Variants in CNBD1 observed in about 807,000 individuals in gnomAD.
CNBD1 encodes cyclic nucleotide-binding domain-containing protein 1.
A neutral mutation model predicts 54.4 loss-of-function variants in CNBD1; 71 were observed. The ratio of observed to expected loss-of-function variants is 1.30; its 90% CI spans 1.08 to 1.59. CNBD1 has a LOEUF of 1.59. Ranked by LOEUF, CNBD1 falls within the 40% of genes most tolerant of loss-of-function variation. CNBD1 has a pLI of 0.00. For missense variants in CNBD1, 659 were observed against 518.0 expected (o/e 1.27, Z -2.64); for synonymous variants, 182 against 170.7 (o/e 1.07, Z -0.51).
chr8:87,175,782 G>A (rs1396594410), intron 4 of CNBD1, among the ~76,000 whole-genome samples: 7 of 152,148 alleles, frequency 4.6e-5, no homozygotes, highest in Admixed American at 4.6e-4. Context: ...TCCAAGCCAA[G>A]GTCAGTAATT....
At chr8:87,252,758 C>T (rs1169401320) in intron 6 of CNBD1, among the ~76,000 whole-genome samples, 3 of 152,030 alleles carry the variant, frequency 2.0e-5, no homozygotes, top group Non-Finnish European at 2.9e-5. Context: ...TGAAAACATA[C>T]ACAGTAAGTG....
intron 4 of CNBD1, among the ~76,000 whole-genome samples, chr8:86,971,661 A>T (rs992851133): frequency 6.6e-6 from 1 of 152,084 alleles, no homozygotes; most frequent in African/African-American, 2.4e-5. Flanking sequence ...TAGAGTTTCT[A>T]TACTTTTTTT....
At chr8:87,143,375 T>C (rs1812411835) in intron 4 of CNBD1, among the ~76,000 whole-genome samples, 1 of 152,152 alleles carries the variant, frequency 6.6e-6, no homozygotes, top group Admixed American at 6.6e-5. Context: ...TAAGGGCACC[T>C]ACATCAACAC....
intron 4 of CNBD1, among the ~76,000 whole-genome samples, chr8:87,190,609 G>C (rs1309889075): frequency 6.6e-6 from 1 of 152,046 alleles, no homozygotes; most frequent in Admixed American, 6.5e-5. Flanking sequence ...TTAACTCAGA[G>C]GTAGACTTAC....
intron 4 of CNBD1, among the ~76,000 whole-genome samples, chr8:87,140,116 A>G (rs1812342470): frequency 6.6e-6 from 1 of 152,158 alleles, no homozygotes; most frequent in African/African-American, 2.4e-5. Context: ...AGAATAGTCC[A>G]TTAATGCTGA....
At chr8:87,364,461 C>G (rs1345798239) in intron 10 of CNBD1, among the ~76,000 whole-genome samples, 2 of 150,330 alleles carry the variant, frequency 1.3e-5, no homozygotes, top group Non-Finnish European at 3.0e-5. Flanking sequence ...CTTTTAAATC[C>G]AATTTGTCTT....
chr8:87,001,173 T>C (rs1028111258), intron 4 of CNBD1, among the ~76,000 whole-genome samples: 3 of 152,100 alleles, frequency 2.0e-5, no homozygotes, highest in Non-Finnish European at 1.5e-5. Flanking sequence ...ATGTCTGTTC[T>C]GTTATTGCTT....
At chr8:86,968,964 G>A (rs1218519550) in intron 4 of CNBD1, among the ~76,000 whole-genome samples, 1 of 152,154 alleles carries the variant, frequency 6.6e-6, no homozygotes, top group Non-Finnish European at 1.5e-5. Flanking sequence ...TAGAGATCTT[G>A]GAGCCCACAA....
chr8:87,245,057 A>T (rs536705196), intron 6 of CNBD1, among the ~76,000 whole-genome samples: 2 of 152,206 alleles, frequency 1.3e-5, no homozygotes, highest in African/African-American at 4.8e-5. Flanking sequence ...ATGGAATTGG[A>T]ACTTAACATC....
intron 8 of CNBD1, among the ~76,000 whole-genome samples, chr8:87,323,681 A>C (rs1168198144): frequency 7.3e-6 from 1 of 136,088 alleles, no homozygotes; most frequent in Non-Finnish European, 1.6e-5. Context: ...GAAGTTGCTT[A>C]TCAGCTTAAG....
chr8:87,387,175 G>C (rs768768093), downstream of CNBD1, among the ~76,000 whole-genome samples: 10 of 152,102 alleles, frequency 6.6e-5, no homozygotes, highest in Non-Finnish European at 1.5e-4. Flanking sequence ...AGACTATCGA[G>C]GTTAGGAAGA....
intron 8 of CNBD1, among the ~76,000 whole-genome samples, chr8:87,339,724 A>G (rs1195694475): frequency 6.6e-6 from 1 of 152,078 alleles, no homozygotes; most frequent in East Asian, 1.9e-4. Context: ...CTTACATAAA[A>G]CACCTTATAG....
intron 4 of CNBD1, among the ~76,000 whole-genome samples, chr8:86,950,468 C>G (rs1220719985): frequency 6.6e-6 from 1 of 152,138 alleles, no homozygotes; most frequent in Non-Finnish European, 1.5e-5. Context: ...ATATGTTGAA[C>G]TACCCTTGCA....
chr8:87,025,875 C>T (rs1185510146), intron 4 of CNBD1, among the ~76,000 whole-genome samples: 1 of 152,112 alleles, frequency 6.6e-6, no homozygotes, highest in African/African-American at 2.4e-5. Context: ...CAAGAACCCA[C>T]CGGAAGGAAC....
At chr8:87,270,041 A>G (rs1410186199) in intron 6 of CNBD1, among the ~76,000 whole-genome samples, 1 of 152,088 alleles carries the variant, frequency 6.6e-6, no homozygotes, top group Non-Finnish European at 1.5e-5. Flanking sequence ...CCAGCAGCAC[A>G]TATAAAAGTT....
intron 6 of CNBD1, 170 bp downstream of exon 6, chr8:87,237,282 T>G: frequency 2.3e-6 from 1 of 428,474 alleles, no homozygotes; most frequent in Non-Finnish European, 4.1e-6. Context: ...TGATTAAACA[T>G]TTTTGATAAA....
intron 8 of CNBD1, among the ~76,000 whole-genome samples, chr8:87,325,901 A>G (rs1057325608): frequency 1.6e-5 from 2 of 127,704 alleles, no homozygotes; most frequent in Non-Finnish European, 3.5e-5. Context: ...CCTAGTCTCG[A>G]TGGTCTTTAC....
chr8:87,026,712 T>G (rs1809653698), intron 4 of CNBD1, among the ~76,000 whole-genome samples: 2 of 152,208 alleles, frequency 1.3e-5, no homozygotes, highest in Non-Finnish European at 2.9e-5. Context: ...TTCAAATCTC[T>G]TTCCCGTACT....
At chr8:86,940,951 CTAGGTGTG>C (rs1809644606) in intron 4 of CNBD1, among the ~76,000 whole-genome samples, 1 of 152,164 alleles carries the variant, frequency 6.6e-6, no homozygotes. Flanking sequence ...ACCAGCTGGC[CTAGGTGTG>C]TAGTAGACTA....
Sources: allele counts gnomAD v4.1 joint callset (sites outside exome capture counted in the v4.1 genomes callset), GRCh38; gene constraint gnomAD v4.1.1; transcripts MANE v1.5; gene names NCBI Gene and HGNC (gene_info 2026-07-23, HGNC 2026-07-21).